Variants in PCDH7 observed in about 807,000 individuals in gnomAD.
The protein encoded by PCDH7 is protocadherin 7.
PCDH7 carries 17 observed loss-of-function variants against 58.9 expected under a neutral mutation model. The observed-to-expected ratio is 0.29, with a 90% confidence interval of 0.20 to 0.43. PCDH7 has a LOEUF of 0.43. Among genes scored for constraint, PCDH7 ranks in the 20% least tolerant of loss-of-function variants. PCDH7 has a pLI of 1.00. For synonymous variants in PCDH7, 664 were observed against 616.4 expected (o/e 1.08, Z -1.14); for missense variants, 1,274 against 1,441.0 (o/e 0.88, Z 1.88).
intron 2 of PCDH7, among the ~76,000 whole-genome samples, chr4:30,930,855 T>A (rs7661924): frequency 6.6e-6 from 1 of 150,938 alleles, no homozygotes; most frequent in Non-Finnish European, 1.5e-5. Flanking sequence ...GTGAGGAGGG[T>A]TTGTGCCCAG....
At chr4:30,919,038 A>G (rs4692490) in intron 1 of PCDH7, among the ~76,000 whole-genome samples, 117,808 of 151,978 alleles carry the variant, frequency 0.78, 46,496 homozygotes, top group African/African-American at 0.94. Flanking sequence ...TGCAAAAAAG[A>G]TTTTGTAAAC....
intron 3 of PCDH7, among the ~76,000 whole-genome samples, chr4:31,084,302 G>A (rs1367683468): frequency 6.6e-6 from 1 of 152,130 alleles, no homozygotes; most frequent in Non-Finnish European, 1.5e-5. Flanking sequence ...TTGGAAAATA[G>A]ATTATAGGTT....
chr4:30,802,416 C>T (rs962283429), intron 1 of PCDH7, among the ~76,000 whole-genome samples: 1 of 151,798 alleles, frequency 6.6e-6, no homozygotes, highest in Non-Finnish European at 1.5e-5. Context: ...AGGATGATCT[C>T]TTTTACAAAA....
At chr4:31,107,635 C>A (rs2109307301) in intron 3 of PCDH7, among the ~76,000 whole-genome samples, 1 of 152,206 alleles carries the variant, frequency 6.6e-6, no homozygotes, top group Middle Eastern at 3.4e-3. Flanking sequence ...TAATCTTTTT[C>A]TTTGCTTCAG....
intron 3 of PCDH7, among the ~76,000 whole-genome samples, chr4:31,140,608 T>TAA (rs34075687): frequency 1.0e-4 from 12 of 119,720 alleles, no homozygotes; most frequent in East Asian, 4.6e-4. Flanking sequence ...TAGGTCAGGT[T>TAA]AAAAAAAAAA....
chr4:30,984,382 G>A (rs559199842), intron 3 of PCDH7, among the ~76,000 whole-genome samples: 2 of 152,290 alleles, frequency 1.3e-5, no homozygotes, highest in East Asian at 1.9e-4. Context: ...TATGGAAAGA[G>A]CAATGGATTA....
chr4:30,954,815 G>T (rs921335021), intron 3 of PCDH7, among the ~76,000 whole-genome samples: 2 of 152,076 alleles, frequency 1.3e-5, no homozygotes, highest in East Asian at 1.9e-4. Context: ...TTGAGATTTT[G>T]TTCTAGGTTT....
At chr4:31,141,949 T>C (rs1345129361) in intron 3 of PCDH7, among the ~76,000 whole-genome samples, 1 of 152,200 alleles carries the variant, frequency 6.6e-6, no homozygotes, top group Non-Finnish European at 1.5e-5. Context: ...GTTCTACTTA[T>C]GAGTCACCCC....
intron 1 of PCDH7, among the ~76,000 whole-genome samples, chr4:30,882,225 T>C (rs1320901122): frequency 6.7e-6 from 1 of 149,450 alleles, no homozygotes; most frequent in East Asian, 2.0e-4. Flanking sequence ...TAACTCCTCC[T>C]CCTCCTCCTC....
intron 1 of PCDH7, among the ~76,000 whole-genome samples, chr4:30,758,677 C>T (rs906769842): frequency 6.6e-6 from 1 of 152,170 alleles, no homozygotes; most frequent in East Asian, 1.9e-4. Context: ...CATCGGTGGA[C>T]AGGAAGGGAG....
rs6853749 is a variant in PCDH7 at position 30,809,375 on chromosome 4, C to T, written c.70+84779C>T. 5.9e-3 allele frequency among the ~76,000 whole-genome samples: 894 copies of T among 152,078 alleles called. 7 individuals carry two copies. Among genetic ancestry groups the T allele is most frequent in the African/African-American group, 0.02 (845 of 41,472 alleles). ...AGGGAAAGGGAAGTGACATTCCTGA[C>T]CTTGTTATTTTGAAACTCTGACCTT... On this transcript the variant is annotated intron_variant, in intron 1 of 3. Coordinates refer to the PCDH7 transcript ENST00000509759.
rs147159441 is a variant in PCDH7 at position 30,805,535 on chromosome 4, T to C, written c.70+80939T>C. Among the ~76,000 whole-genome samples, 503 of 152,350 alleles carry C rather than the reference T, an allele frequency of 3.3e-3. 3 individuals carry two copies. Among genetic ancestry groups the C allele is most frequent in the African/African-American group, 0.011 (477 of 41,582 alleles). ...TATTAAGTGCTCAATAACTGCTCAT[T>C]ATTAATTGTATTACAAACATAATAG... On this transcript the variant is annotated intron_variant, in intron 1 of 3. Transcript: ENST00000509759.
Position 31,007,156 on chromosome 4 carries a change from A to G in PCDH7, c.*7+56941A>G, listed in dbSNP as rs149173307. Among the ~76,000 whole-genome samples the G allele has an allele frequency of 1.1e-3, 168 of 152,310 alleles. 3 individuals are homozygous for G. In the East Asian group the frequency reaches 0.03, roughly 27 times the overall value. ...TTGGACAAAATGACTCTCCTACATT[A>G]CAAGCTGTCTGGCTTGGAGAATTAT... On this transcript the variant is annotated intron_variant, in intron 3 of 3. Coordinates refer to the PCDH7 transcript ENST00000509759.
At chr4:31,058,106 A>C (rs923788628) in intron 3 of PCDH7, among the ~76,000 whole-genome samples, 1 of 152,144 alleles carries the variant, frequency 6.6e-6, no homozygotes, top group Non-Finnish European at 1.5e-5. Flanking sequence ...ATTTAGAAGC[A>C]GTAGAGAAAA....
chr4:31,081,342 G>A (rs1759484288), intron 3 of PCDH7, among the ~76,000 whole-genome samples: 1 of 152,052 alleles, frequency 6.6e-6, no homozygotes, highest in African/African-American at 2.4e-5. Context: ...TTCTAAAGTG[G>A]ACCACATTTT....
At chr4:30,782,678 T>A (rs1190549175) in intron 1 of PCDH7, among the ~76,000 whole-genome samples, 1 of 152,124 alleles carries the variant, frequency 6.6e-6, no homozygotes, top group Non-Finnish European at 1.5e-5. Context: ...TAAACATATG[T>A]TTTTATGCTT....
exon 4 of PCDH7, chr4:31,142,731 G>T: frequency 7.3e-7 from 1 of 1,367,626 alleles, no homozygotes; most frequent in Non-Finnish European, 9.8e-7. Context: ...GAGACCTTCA[G>T]TGCAGCTAGT....
At chr4:30,936,599 T>G (rs1745365468) in intron 2 of PCDH7, among the ~76,000 whole-genome samples, 1 of 151,990 alleles carries the variant, frequency 6.6e-6, no homozygotes. Context: ...AGGTAATTTC[T>G]CTTTCTATCT....
At chr4:30,902,690 A>G (rs1203560645) in intron 1 of PCDH7, among the ~76,000 whole-genome samples, 1 of 152,134 alleles carries the variant, frequency 6.6e-6, no homozygotes, top group Non-Finnish European at 1.5e-5. Context: ...TGGAAAAAAA[A>G]GAGACTTGAA....
Sources: gnomAD v4.1 joint callset for allele counts (sites outside exome capture counted in the v4.1 genomes callset) on GRCh38, gnomAD v4.1.1 for gene constraint, MANE v1.5 for transcripts, NCBI Gene and HGNC (gene_info 2026-07-23, HGNC 2026-07-21) for gene names.